The following CLIP1 variants were observed in gnomAD, a reference collection of about 807,000 sequenced individuals.
CLIP1 encodes the protein CAP-Gly domain containing linker protein 1.
Under a neutral mutation model 161.6 loss-of-function variants are expected in CLIP1, and 66 were observed. That is an observed-to-expected ratio of 0.41 (90% CI 0.33 to 0.50). CLIP1 has a LOEUF of 0.50. CLIP1 is among the 20% of genes least tolerant of loss of function. The probability of loss-of-function intolerance (pLI) is 0.27; values close to 1 mark genes in which losing one functional copy is unlikely to be tolerated. For missense variants in CLIP1, 1,376 were observed against 1,702.0 expected (o/e 0.81, Z 3.37); for synonymous variants, 598 against 626.2 (o/e 0.96, Z 0.67).
At position 122,347,433 on chromosome 12, in the gene CLIP1, C is replaced by T. The variant is rs1952803087; in HGVS notation, c.1448G>A (p.Ser483Asn). ...EHARIKELEQSLLFEKTKADK... is the reference protein window; with the variant it reads ...EHARIKELEQNLLFEKTKADK... The stretch of plus-strand genomic sequence containing the variant: ...AGCTTTGGTCTTTTCAAAGAGCAGG[C>T]TCTGTTCAAGCTCCTTAATGCGGGC... The change falls in exon 10 of 26, where the codon AGC becomes AAC. Residue 483 changes from serine (S) to asparagine (N), a missense_variant. Physicochemically the swap from Ser to Asn is conservative, Grantham distance 46. Coordinates refer to ENST00000620786, the MANE Select transcript of CLIP1 (RefSeq NM_001247997.2). 2 of 1,613,966 alleles carry T rather than the reference C, an allele frequency of 1.2e-6. No individual in the cohort carries two copies. Among genetic ancestry groups the T allele is most frequent in the Non-Finnish European group, 1.7e-6 (2 of 1,179,852 alleles).
At chr12:122,359,458 T>C (rs990633902) in intron 5 of CLIP1, among the ~76,000 whole-genome samples, 8 of 152,198 alleles carry the variant, frequency 5.3e-5, no homozygotes, top group Non-Finnish European at 8.8e-5. Flanking sequence ...CCCATGGAAT[T>C]GTTCCTAGAA....
chr12:122,360,603 A>T (rs1383400317), intron 5 of CLIP1, among the ~76,000 whole-genome samples: 1 of 152,024 alleles, frequency 6.6e-6, no homozygotes, highest in Admixed American at 6.6e-5. Context: ...TATGGACTTG[A>T]AGAAAAGGAT....
At chr12:122,407,526 C>T (rs1215262267) in intron 1 of CLIP1, among the ~76,000 whole-genome samples, 1 of 151,520 alleles carries the variant, frequency 6.6e-6, no homozygotes, top group Non-Finnish European at 1.5e-5. Flanking sequence ...CTGGGCAACA[C>T]GGCAAAACTC....
intron 1 of CLIP1, among the ~76,000 whole-genome samples, chr12:122,404,151 T>G (rs1170765345): frequency 6.6e-6 from 1 of 152,174 alleles, no homozygotes; most frequent in African/African-American, 2.4e-5. Flanking sequence ...AGGGAAAATG[T>G]GTGTGACGCC....
At chr12:122,304,230 G>T (rs1399478035) in intron 20 of CLIP1, among the ~76,000 whole-genome samples, 1 of 152,188 alleles carries the variant, frequency 6.6e-6, no homozygotes, top group Non-Finnish European at 1.5e-5. Context: ...TTCCAAACTA[G>T]ACTGGGCACA....
intron 1 of CLIP1, among the ~76,000 whole-genome samples, chr12:122,406,802 A>G (rs1470188047): frequency 6.6e-6 from 1 of 152,112 alleles, no homozygotes; most frequent in East Asian, 1.9e-4. Context: ...TTAGAGATGG[A>G]ACTCTGAGCT....
At chr12:122,373,389 C>T (rs1954551356) in intron 3 of CLIP1, among the ~76,000 whole-genome samples, 1 of 150,830 alleles carries the variant, frequency 6.6e-6, no homozygotes, top group African/African-American at 2.4e-5. Context: ...CGCCACTGCA[C>T]TCCAACCTAG....
intron 4 of CLIP1, among the ~76,000 whole-genome samples, chr12:122,362,057 G>A (rs1953857981): frequency 6.6e-6 from 1 of 151,464 alleles, no homozygotes; most frequent in Admixed American, 6.6e-5. Context: ...AGGTTCAAGC[G>A]ATTCTCCTGC....
chr12:122,367,366 G>A (rs1179804524), intron 3 of CLIP1, among the ~76,000 whole-genome samples: 1 of 152,050 alleles, frequency 6.6e-6, no homozygotes, highest in East Asian at 1.9e-4. Context: ...CACCAAACAT[G>A]GAACTCTTCA....
chr12:122,293,273 C>T (rs1327098384), intron 20 of CLIP1, among the ~76,000 whole-genome samples: 3 of 152,090 alleles, frequency 2.0e-5, no homozygotes, highest in Non-Finnish European at 4.4e-5. Context: ...ACTGAAACCA[C>T]ACTGAGATAC....
At chr12:122,366,998 C>G (rs940376615) in intron 3 of CLIP1, among the ~76,000 whole-genome samples, 2 of 152,160 alleles carry the variant, frequency 1.3e-5, no homozygotes, top group Non-Finnish European at 2.9e-5. Context: ...CCACACCACA[C>G]CATTCAGAGC....
intron 10 of CLIP1, among the ~76,000 whole-genome samples, chr12:122,345,628 G>A (rs1019739385): frequency 1.3e-5 from 2 of 152,058 alleles, no homozygotes; most frequent in Non-Finnish European, 2.9e-5. Context: ...ACAAACACTA[G>A]AAATTTTTTT....
intron 10 of CLIP1, among the ~76,000 whole-genome samples, chr12:122,344,278 T>A (rs1952644418): frequency 6.6e-6 from 1 of 152,218 alleles, no homozygotes; most frequent in Non-Finnish European, 1.5e-5. Context: ...CAGAGCTGAC[T>A]ATAATTGCTG....
intron 20 of CLIP1, among the ~76,000 whole-genome samples, chr12:122,306,528 C>T (rs367862481): frequency 2.6e-5 from 4 of 152,184 alleles, no homozygotes; most frequent in East Asian, 3.9e-4. Context: ...AGCAGAAGCA[C>T]ACGATCCTGA....
intron 5 of CLIP1, 165 bp downstream of exon 5, chr12:122,360,794 A>C: frequency 1.7e-6 from 1 of 577,930 alleles, no homozygotes; most frequent in South Asian, 2.7e-5. Context: ...TTCTTGCTGG[A>C]GTTACATTTT....
At chr12:122,387,702 C>T (rs2136928395) in intron 1 of CLIP1, among the ~76,000 whole-genome samples, 1 of 148,246 alleles carries the variant, frequency 6.7e-6, no homozygotes, top group East Asian at 2.0e-4. Flanking sequence ...TGGACTCAAG[C>T]CATCCTCCCG....
intron 1 of CLIP1, among the ~76,000 whole-genome samples, chr12:122,390,279 CATATATATATATATATATATATATGTAT>C (rs1237132955): frequency 2.5e-5 from 2 of 79,016 alleles, no homozygotes; most frequent in East Asian, 1.2e-3. Flanking sequence ...TATATATATA[CATATATATATATATATATATATATGTAT>C]ATATATATAT....
At position 122,377,381 on chromosome 12, in the gene CLIP1, C is replaced by T; in HGVS notation, c.657+8G>A. On this transcript the variant is annotated splice_region_variant and intron_variant, in intron 3 of 25. Transcript: ENST00000620786. ...AATGAAATGACCTCAGAATGTTTCT[C>T]TACTCACCAATACTCTGTCTCCGAT... 1 of 1,605,758 alleles carries T rather than the reference C, an allele frequency of 6.2e-7. No individual in the cohort carries two copies. Among genetic ancestry groups the T allele is most frequent in the Non-Finnish European group, 8.5e-7 (1 of 1,175,014 alleles).
At chr12:122,369,803 G>T (rs1188180972) in intron 3 of CLIP1, among the ~76,000 whole-genome samples, 1 of 151,514 alleles carries the variant, frequency 6.6e-6, no homozygotes, top group African/African-American at 2.4e-5. Flanking sequence ...CGAGGCACCG[G>T]GCACAAAACA....
Sources: gnomAD v4.1 joint callset for allele counts (sites outside exome capture counted in the v4.1 genomes callset) on GRCh38, gnomAD v4.1.1 for gene constraint, MANE v1.5 for transcripts, NCBI Gene and HGNC (gene_info 2026-07-23, HGNC 2026-07-21) for gene names.